The following CCNB3 variants were observed in gnomAD, a reference collection of about 807,000 sequenced individuals.
The protein encoded by CCNB3 is cyclin B3, also known as G2/mitotic-specific cyclin-B3.
In CCNB3, 12 loss-of-function variants were observed where a neutral mutation model predicts 68.0. The ratio of observed to expected loss-of-function variants is 0.18; its 90% CI spans 0.11 to 0.29. CCNB3 has a LOEUF of 0.29. Ranked by LOEUF, CCNB3 falls within the 10% of genes least tolerant of loss-of-function variation. The pLI is 1.00. For missense variants in CCNB3, 904 were observed against 993.1 expected, an observed-to-expected ratio of 0.91 and a Z score of 1.21; for synonymous variants, 354 against 388.9, an observed-to-expected ratio of 0.91 and a Z score of 1.06.
chrX:50,299,324 T>C (rs1602212480), intron 5 of CCNB3, among the ~76,000 whole-genome samples: 1 of 111,887 alleles, frequency 8.9e-6, no homozygotes, highest in East Asian at 2.8e-4. Flanking sequence ...TAGATTCTGG[T>C]ATGTTGTGTC....
intron 1 of CCNB3, among the ~76,000 whole-genome samples, chrX:50,279,566 T>C (rs1936054686): frequency 1.1e-5 from 1 of 87,019 alleles, no homozygotes; most frequent in African/African-American, 4.2e-5. Context: ...TATGAATATA[T>C]ATTTTCTATA....
At chrX:50,336,170 T>C (rs1557218812) in intron 8 of CCNB3, among the ~76,000 whole-genome samples, 1 of 112,161 alleles carries the variant, frequency 8.9e-6, no homozygotes, top group African/African-American at 3.2e-5. Context: ...CCCTTGTCTT[T>C]TTCTGAGGTC....
At chrX:50,320,914 A>G (rs1381731666) in intron 8 of CCNB3, among the ~76,000 whole-genome samples, 1 of 111,422 alleles carries the variant, frequency 9.0e-6, no homozygotes, top group Non-Finnish European at 1.9e-5. Context: ...AGTCAAACTG[A>G]TGTATTTCTA....
rs1284081536 is a variant in CCNB3 at position 50,312,554 on chromosome X, T to C, written c.3345T>C (p.Asp1115=). 3 of 1,202,409 alleles carry C rather than the reference T, an allele frequency of 2.5e-6. No homozygotes were observed. Among genetic ancestry groups the C allele is most frequent in the Non-Finnish European group, 3.4e-6 (3 of 889,750 alleles). The change falls in exon 7 of 13, where the codon GAT becomes GAC. Residue 1115 remains aspartate, a synonymous_variant. Transcript: ENST00000376042. ...GTPKEITPRE[D]IDEDSSDPSF... ...CTAAGCAGATAACCCCACGGGAAGA[T>C]ATTGATGAGGACAGCAGTGATCCAA...
intron 4 of CCNB3, among the ~76,000 whole-genome samples, chrX:50,290,013 C>T (rs950440419): frequency 9.0e-5 from 10 of 111,644 alleles, no homozygotes; most frequent in African/African-American, 2.6e-4. Flanking sequence ...TAGAAAGAGC[C>T]CCTTCCCACA....
chrX:50,325,760 C>T (rs1338221337), intron 8 of CCNB3, among the ~76,000 whole-genome samples: 1 of 111,764 alleles, frequency 8.9e-6, no homozygotes, highest in Non-Finnish European at 1.9e-5. Context: ...TGTATATGTG[C>T]AAATGTTCAT....
intron 8 of CCNB3, among the ~76,000 whole-genome samples, chrX:50,339,424 G>A (rs1340913646): frequency 8.9e-6 from 1 of 112,372 alleles, no homozygotes; most frequent in African/African-American, 3.2e-5. Context: ...AGGGATGACT[G>A]AATAGAATGA....
At chrX:50,299,233 C>A (rs1318282538) in intron 5 of CCNB3, among the ~76,000 whole-genome samples, 9 of 110,717 alleles carry the variant, frequency 8.1e-5, no homozygotes, top group African/African-American at 3.0e-4. Flanking sequence ...TTAGGGTGTC[C>A]ATTTTAGATC....
chrX:50,223,608 A>T (rs1035479970), intron 1 of CCNB3, among the ~76,000 whole-genome samples: 11 of 112,173 alleles, frequency 9.8e-5, no homozygotes, highest in African/African-American at 3.2e-4. Context: ...GCAGAAAAGC[A>T]AAGATTGCTG....
At chrX:50,207,920 T>C (rs1935398849) in intron 1 of CCNB3, among the ~76,000 whole-genome samples, 1 of 111,347 alleles carries the variant, frequency 9.0e-6, no homozygotes, top group African/African-American at 3.3e-5. Context: ...CAGCCACCCC[T>C]CCACCCCTAT....
At chrX:50,345,026 T>C (rs1247820439) in intron 9 of CCNB3, among the ~76,000 whole-genome samples, 1 of 107,580 alleles carries the variant, frequency 9.3e-6, no homozygotes, top group Non-Finnish European at 1.9e-5. Flanking sequence ...CTTCCTCTCC[T>C]CCCCAAACAC....
chrX:50,222,821 G>A lies in CCNB3; in HGVS notation c.-113+17871G>A, dbSNP rs928507172. ...ATTTTAATGTTGGCCTGTCTTGCTA[G>A]GTTGGGGAAGTTCTCTTGAATAATA... On this transcript the variant is annotated intron_variant, in intron 1 of 12. Transcript: ENST00000376042. Among the ~76,000 whole-genome samples, 319 of 111,510 alleles carry A rather than the reference G, an allele frequency of 2.9e-3. 2 individuals carry two copies. The highest frequency in any genetic ancestry group is 4.4e-3 in the Non-Finnish European group (233 of 53,147).
chrX:50,281,038 G>C (rs1431521533), intron 1 of CCNB3, among the ~76,000 whole-genome samples: 4 of 110,745 alleles, frequency 3.6e-5, no homozygotes, highest in African/African-American at 1.3e-4. Context: ...CTGGGAGTAC[G>C]GGAGTAGGCC....
intron 8 of CCNB3, among the ~76,000 whole-genome samples, chrX:50,333,839 C>T (rs1048407379): frequency 9.0e-6 from 1 of 111,336 alleles, no homozygotes; most frequent in Admixed American, 9.6e-5. Flanking sequence ...GAGATGGAGG[C>T]TCGCTGGTGT....
At chrX:50,227,235 TATATATATACAGAATATATATATAA>T (rs1381831730) in intron 1 of CCNB3, among the ~76,000 whole-genome samples, 8 of 78,460 alleles carry the variant, frequency 1.0e-4, no homozygotes, top group Non-Finnish European at 1.4e-4. Flanking sequence ...TATATATAAA[TATATATATACAGAATATATATATAA>T]ATATATATAC....
At chrX:50,295,658 A>G (rs1310364139) in intron 5 of CCNB3, among the ~76,000 whole-genome samples, 1 of 111,609 alleles carries the variant, frequency 9.0e-6, no homozygotes, top group African/African-American at 3.3e-5. Flanking sequence ...CCCCTCTGAA[A>G]ATCTTATGAG....
intron 9 of CCNB3, among the ~76,000 whole-genome samples, chrX:50,344,596 G>C (rs980397753): frequency 9.0e-6 from 1 of 111,091 alleles, no homozygotes; most frequent in African/African-American, 3.3e-5. Context: ...TCTGCTCCAT[G>C]ATTCTCTGCC....
At chrX:50,226,679 T>A (rs1464939307) in intron 1 of CCNB3, among the ~76,000 whole-genome samples, 2 of 73,777 alleles carry the variant, frequency 2.7e-5, no homozygotes, top group Non-Finnish European at 4.8e-5. Flanking sequence ...ATAGAACATA[T>A]CTATAAATAT....
chrX:50,226,286 T>TG (rs1935788715), intron 1 of CCNB3, among the ~76,000 whole-genome samples: 1 of 64,020 alleles, frequency 1.6e-5, no homozygotes, highest in African/African-American at 7.2e-5. Flanking sequence ...TATATTTATA[T>TG]ATATAGAATA....
Sources: allele counts gnomAD v4.1 joint callset (sites outside exome capture counted in the v4.1 genomes callset), GRCh38; gene constraint gnomAD v4.1.1; transcripts MANE v1.5; gene names NCBI Gene and HGNC (gene_info 2026-07-23, HGNC 2026-07-21).